The following CCSER1 variants were observed in gnomAD, a reference collection of about 807,000 sequenced individuals.
CCSER1 encodes coiled-coil serine rich protein 1, also known as serine-rich coiled-coil domain-containing protein 1.
CCSER1 carries 41 observed loss-of-function variants against 82.0 expected under a neutral mutation model. The ratio of observed to expected loss-of-function variants is 0.50; its 90% confidence interval spans 0.39 to 0.65. The LOEUF is 0.65. Among genes scored for constraint, CCSER1 ranks in the 30% least tolerant of loss-of-function variants. The pLI is 0.00. For synonymous variants in CCSER1, 414 were observed against 383.9 expected (o/e 1.08, Z -0.92); for missense variants, 1,119 against 1,064.2 (o/e 1.05, Z -0.72).
chr4:90,697,527 T>A (rs1737194817), intron 6 of CCSER1, among the ~76,000 whole-genome samples: 1 of 151,020 alleles, frequency 6.6e-6, no homozygotes, highest in Non-Finnish European at 1.5e-5. Flanking sequence ...GGAAATTATT[T>A]AAAAAAAAAC....
intron 10 of CCSER1, among the ~76,000 whole-genome samples, chr4:91,154,585 A>G (rs1231610738): frequency 6.6e-6 from 1 of 152,028 alleles, no homozygotes; most frequent in African/African-American, 2.4e-5. Context: ...TCAGTTGAAA[A>G]TGCAGGAATC....
chr4:91,091,988 T>A (rs182242668), intron 10 of CCSER1, among the ~76,000 whole-genome samples: 1 of 152,284 alleles, frequency 6.6e-6, no homozygotes, highest in African/African-American at 2.4e-5. Context: ...CTGGAAGTCC[T>A]CGCGGTATAG....
intron 7 of CCSER1, chr4:90,727,442 T>C (rs1743861330): frequency 2.8e-6 from 1 of 362,900 alleles, no homozygotes; most frequent in South Asian, 2.1e-5. Context: ...CTGAACAAAA[T>C]TGATGTTGTT....
At chr4:91,322,173 A>G (rs187295861) in intron 10 of CCSER1, among the ~76,000 whole-genome samples, 1 of 152,256 alleles carries the variant, frequency 6.6e-6, no homozygotes, top group Admixed American at 6.6e-5. Flanking sequence ...TTATATTGAT[A>G]TGAACAAAGC....
intron 10 of CCSER1, among the ~76,000 whole-genome samples, chr4:91,179,111 G>T (rs1232421791): frequency 1.3e-5 from 2 of 152,112 alleles, no homozygotes; most frequent in Non-Finnish European, 1.5e-5. Flanking sequence ...TTTTCTTTAT[G>T]AATGGTGAAT....
intron 10 of CCSER1, among the ~76,000 whole-genome samples, chr4:91,343,672 A>C (rs1347483934): frequency 6.6e-6 from 1 of 152,126 alleles, no homozygotes; most frequent in African/African-American, 2.4e-5. Context: ...TTTTAATCAA[A>C]TTTTAGCGTG....
At chr4:90,905,952 CAGAG>C (rs1012445905) in intron 8 of CCSER1, among the ~76,000 whole-genome samples, 2 of 151,986 alleles carry the variant, frequency 1.3e-5, no homozygotes, top group African/African-American at 2.4e-5. Flanking sequence ...TCTAATTACA[CAGAG>C]AGAAAAAGTG....
At chr4:91,309,291 T>C (rs1479668756) in intron 10 of CCSER1, among the ~76,000 whole-genome samples, 2 of 151,990 alleles carry the variant, frequency 1.3e-5, no homozygotes, top group African/African-American at 4.8e-5. Context: ...TACAGCTATT[T>C]AAAATAAAAC....
At chr4:91,547,524 A>C (rs950934824) in intron 10 of CCSER1, among the ~76,000 whole-genome samples, 1 of 152,158 alleles carries the variant, frequency 6.6e-6, no homozygotes, top group Non-Finnish European at 1.5e-5. Flanking sequence ...GTATTGGCAT[A>C]GTATACCTTC....
intron 8 of CCSER1, among the ~76,000 whole-genome samples, chr4:90,860,768 A>G (rs944982751): frequency 1.3e-5 from 2 of 151,742 alleles, no homozygotes; most frequent in Non-Finnish European, 3.0e-5. Flanking sequence ...AGAAAAGGCC[A>G]TATATGGTAT....
At chr4:90,708,954 C>G (rs2149315595) in intron 6 of CCSER1, among the ~76,000 whole-genome samples, 1 of 152,184 alleles carries the variant, frequency 6.6e-6, no homozygotes, top group Non-Finnish European at 1.5e-5. Context: ...ATATGTGAAG[C>G]TATTCAATTG....
At chr4:90,871,229 G>T (rs949935937) in intron 8 of CCSER1, among the ~76,000 whole-genome samples, 1 of 151,094 alleles carries the variant, frequency 6.6e-6, no homozygotes, top group Non-Finnish European at 1.5e-5. Flanking sequence ...TTACATTTGC[G>T]ATTTGCTCAT....
At position 90,944,322 on chromosome 4, in the gene CCSER1, G is replaced by A. The variant is rs1045598037; in HGVS notation, c.2172+20875G>A. Among the ~76,000 whole-genome samples, 4 of 151,922 alleles carry A rather than the reference G, an allele frequency of 2.6e-5. No homozygotes were observed. The East Asian group carries it at 7.7e-4, about 29-fold the overall frequency. On this transcript the variant is annotated intron_variant, in intron 9 of 10. Transcript: ENST00000509176. ...TGGTTATTAATGAAAAAAATCAATG[G>A]TGAGCTAATACAAAAGACCGCATTG... is the stretch of plus-strand genomic sequence containing the variant.
intron 9 of CCSER1, among the ~76,000 whole-genome samples, chr4:91,060,905 T>G (rs986907617): frequency 1.3e-5 from 2 of 152,120 alleles, no homozygotes; most frequent in African/African-American, 4.8e-5. Context: ...TGTTTTGAAA[T>G]GTCCAGTTTT....
chr4:90,881,853 C>T (rs1353132777), intron 8 of CCSER1, among the ~76,000 whole-genome samples: 1 of 152,082 alleles, frequency 6.6e-6, no homozygotes, highest in Non-Finnish European at 1.5e-5. Flanking sequence ...CCTACTCTTC[C>T]CCTGTCTATT....
At chr4:91,387,588 A>T (rs767350776) in intron 10 of CCSER1, among the ~76,000 whole-genome samples, 1 of 152,118 alleles carries the variant, frequency 6.6e-6, no homozygotes, top group Non-Finnish European at 1.5e-5. Context: ...TTTTGTGAGT[A>T]AGATTTCCTT....
intron 9 of CCSER1, among the ~76,000 whole-genome samples, chr4:90,933,194 AT>A (rs201922823): frequency 0.078 from 7,156 of 92,332 alleles, 1,062 homozygotes; most frequent in South Asian, 0.1. Context: ...ATTTTATTTT[AT>A]TTTTTTTTTT....
chr4:90,213,304 A>G (rs1278790235), intron 1 of CCSER1, among the ~76,000 whole-genome samples: 1 of 152,102 alleles, frequency 6.6e-6, no homozygotes. Context: ...ATTTTCTGAG[A>G]TGGGGAAGGA....
At chr4:91,213,587 C>T (rs1326602565) in intron 10 of CCSER1, among the ~76,000 whole-genome samples, 1 of 152,032 alleles carries the variant, frequency 6.6e-6, no homozygotes, top group African/African-American at 2.4e-5. Flanking sequence ...TCTAGAAGTC[C>T]ACAAGGCTTT....
Sources: gnomAD v4.1 joint callset for allele counts (sites outside exome capture counted in the v4.1 genomes callset) on GRCh38, gnomAD v4.1.1 for gene constraint, MANE v1.5 for transcripts, NCBI Gene and HGNC (gene_info 2026-07-23, HGNC 2026-07-21) for gene names.